TENM1: variants seen among roughly 807,000 people sequenced by gnomAD.
The protein encoded by TENM1 is teneurin-1.
TENM1 carries 35 observed loss-of-function variants against 174.8 expected under a neutral mutation model. That is an observed-to-expected ratio of 0.20 (90% CI 0.15 to 0.27). TENM1 has a LOEUF of 0.27. TENM1 is among the 10% of genes least tolerant of loss of function. The probability of loss-of-function intolerance (pLI) is 1.00; values close to 1 mark genes in which losing one functional copy is unlikely to be tolerated. For synonymous variants in TENM1, 781 were observed against 798.7 expected, an observed-to-expected ratio of 0.98 and a Z score of 0.37; for missense variants, 1,633 against 2,130.1, an observed-to-expected ratio of 0.77 and a Z score of 4.59.
intron 1 of TENM1, among the ~76,000 whole-genome samples, chrX:124,912,195 T>C (rs1192076345): frequency 2.7e-5 from 3 of 111,367 alleles, no homozygotes; most frequent in South Asian, 3.8e-4. Context: ...GTCAGCAAAA[T>C]TGAGTATATG....
intron 6 of TENM1, among the ~76,000 whole-genome samples, chrX:124,658,218 G>A (rs978256724): frequency 1.8e-5 from 2 of 111,355 alleles, no homozygotes; most frequent in African/African-American, 6.5e-5. Flanking sequence ...GTGAACTATC[G>A]AAGAGAAATA....
At chrX:125,048,243 A>AT in the TENM1 span, among the ~76,000 whole-genome samples, 8,682 of 64,028 alleles carry the variant, frequency 0.14, 653 homozygotes, top group Non-Finnish European at 0.15. Context: ...GTTTCGAAGC[A>AT]TTTTTTTTTT....
exon 8 of TENM1, chrX:124,652,082 G>C (rs939855157): frequency 1.7e-6 from 2 of 1,210,510 alleles, no homozygotes; most frequent in African/African-American, 3.5e-5. Flanking sequence ...TTGGAGTCCT[G>C]CTTGACCAGC....
At chrX:125,034,000 T>C in the TENM1 span, among the ~76,000 whole-genome samples, 1 of 111,727 alleles carries the variant, frequency 9.0e-6, no homozygotes, top group African/African-American at 3.3e-5. Context: ...CTTTTTGCAT[T>C]TGCCCTTACA....
At chrX:124,827,996 G>C (rs1192285036) in intron 3 of TENM1, among the ~76,000 whole-genome samples, 1 of 111,072 alleles carries the variant, frequency 9.0e-6, no homozygotes, top group African/African-American at 3.3e-5. Context: ...AATATGAAGG[G>C]CCCCAGTGCT....
At position 124,619,197 on chromosome X, in the gene TENM1, G is replaced by A. The variant is rs72610652; in HGVS notation, c.2077+22594C>T. Among the ~76,000 whole-genome samples the A allele has an allele frequency of 8.9e-5, 10 of 112,053 alleles. No individual in the cohort carries two copies. The East Asian group carries it at 2.5e-3, about 28-fold the overall frequency. Reference sequence around the variant, plus strand: ...TATGAATAAAACAATAATATACCTTGAGCTGCCAATTGTAGTTCCTTCGTG... The same window carrying A: ...TATGAATAAAACAATAATATACCTTAAGCTGCCAATTGTAGTTCCTTCGTG... On this transcript the variant is annotated intron_variant, in intron 11 of 31. Transcript: ENST00000422452.
At chrX:125,006,188 G>T in the TENM1 span, among the ~76,000 whole-genome samples, 2 of 111,987 alleles carry the variant, frequency 1.8e-5, no homozygotes, top group African/African-American at 6.5e-5. Context: ...AGGGAGAGGG[G>T]TGACCACCAT....
chrX:124,625,954 T>C (rs1476263965), intron 11 of TENM1, among the ~76,000 whole-genome samples: 1 of 111,365 alleles, frequency 9.0e-6, no homozygotes, highest in Non-Finnish European at 1.9e-5. Flanking sequence ...GTTCAACAGC[T>C]TGATTTAACC....
At chrX:125,104,664 A>G in the TENM1 span, among the ~76,000 whole-genome samples, 2 of 111,253 alleles carry the variant, frequency 1.8e-5, no homozygotes, top group East Asian at 5.6e-4. Flanking sequence ...TTATTAAACA[A>G]TGTACTTAAT....
exon 14 of TENM1, chrX:124,561,761 A>C: frequency 8.3e-7 from 1 of 1,211,293 alleles, no homozygotes. Flanking sequence ...ACACAGTGCC[A>C]ACCATTTTGA....
At position 124,507,584 on chromosome X, in the gene TENM1, T is replaced by C. The variant is rs146699229; in HGVS notation, c.3302-3881A>G. 5.4e-5 allele frequency among the ~76,000 whole-genome samples: 6 copies of C among 111,924 alleles called. No homozygotes were observed. In the East Asian group the frequency reaches 1.7e-3, roughly 31 times the overall value. On this transcript the variant is annotated intron_variant, in intron 18 of 31. Coordinates refer to ENST00000422452, the Ensembl canonical transcript of TENM1. ...CTTGCTCCTCCAAAGCCATTTGACATTGGAAAAATAACTGAATGTTCATTC... is the reference window on the plus strand; with the variant it reads ...CTTGCTCCTCCAAAGCCATTTGACACTGGAAAAATAACTGAATGTTCATTC...
intron 11 of TENM1, among the ~76,000 whole-genome samples, chrX:124,574,748 T>C (rs1267544670): frequency 9.0e-6 from 1 of 111,285 alleles, no homozygotes; most frequent in African/African-American, 3.3e-5. Context: ...AGTAAGGTTA[T>C]ATTGGCAAGT....
At chrX:125,004,123 T>G in the TENM1 span, among the ~76,000 whole-genome samples, 8 of 112,097 alleles carry the variant, frequency 7.1e-5, no homozygotes, top group Non-Finnish European at 7.5e-5. Context: ...ACTTCAGTCT[T>G]GTGTTGTAGA....
At chrX:125,118,761 T>A in the TENM1 span, among the ~76,000 whole-genome samples, 6 of 112,126 alleles carry the variant, frequency 5.4e-5, no homozygotes, top group Non-Finnish European at 1.1e-4. Context: ...AATAATACTA[T>A]GTGCTGAAAA....
chrX:124,950,582 TTAAGTA>T (rs1234264892), intron 1 of TENM1, among the ~76,000 whole-genome samples: 1 of 112,242 alleles, frequency 8.9e-6, no homozygotes, highest in Non-Finnish European at 1.9e-5. Flanking sequence ...CTGGTGAGAC[TTAAGTA>T]TAAGTAGAAT....
At chrX:124,671,814 G>A (rs766014302) in exon 6 of TENM1, 1 of 1,209,837 alleles carries the variant, frequency 8.3e-7, no homozygotes, top group African/African-American at 1.7e-5. Context: ...CAACTGCCAA[G>A]TCAGGCCGAA....
In TENM1 at chrX:124,471,238, TAATA is replaced by T. The variant is rs1298368682; in HGVS notation, c.3949+10490_3949+10493del. Among the ~76,000 whole-genome samples, 4 of 64,611 alleles carry T rather than the reference TAATA, an allele frequency of 6.2e-5. No individual in the cohort carries two copies. In the South Asian group the frequency reaches 2.4e-3, roughly 38 times the overall value. 56.1% of individuals were successfully genotyped at this position (64,611 alleles called of 115,157 possible). A position where few individuals can be genotyped will look rare whatever the true frequency, so the allele number is the denominator to read the frequency against. On this transcript the variant is annotated intron_variant, in intron 22 of 31. Transcript: ENST00000422452. ...ATATTATAATATATAGTACTATATA[TAATA>T]TATAATAATATATATTATAATATAT...
At chrX:125,080,335 C>T in the TENM1 span, among the ~76,000 whole-genome samples, 1 of 111,761 alleles carries the variant, frequency 8.9e-6, no homozygotes, top group African/African-American at 3.2e-5. Flanking sequence ...GCCTATGTGC[C>T]TCATTAACTT....
chrX:124,474,433 A>G (rs1458731616), intron 22 of TENM1, among the ~76,000 whole-genome samples: 2 of 111,720 alleles, frequency 1.8e-5, no homozygotes, highest in Non-Finnish European at 3.8e-5. Flanking sequence ...ATTATCTACC[A>G]TGTTATCTGG....
Sources: gnomAD v4.1 joint callset for allele counts (sites outside exome capture counted in the v4.1 genomes callset) on GRCh38, gnomAD v4.1.1 for gene constraint, MANE v1.5 for transcripts, NCBI Gene and HGNC (gene_info 2026-07-23, HGNC 2026-07-21) for gene names.